Variants in AP3B1 observed in about 807,000 individuals in gnomAD.
The protein encoded by AP3B1 is AP-3 complex subunit beta-1.
A neutral mutation model predicts 132.5 loss-of-function variants in AP3B1; 61 were observed. The ratio of observed to expected loss-of-function variants is 0.46; its 90% confidence interval spans 0.37 to 0.57. The LOEUF is 0.57. Among genes scored for constraint, AP3B1 ranks in the 20% least tolerant of loss-of-function variants. The probability of loss-of-function intolerance (pLI) is 0.00; values close to 1 mark genes in which losing one functional copy is unlikely to be tolerated. For synonymous variants in AP3B1, 388 were observed against 438.3 expected (o/e 0.89, Z 1.43); for missense variants, 1,120 against 1,289.4 (o/e 0.87, Z 2.01).
chr5:78,067,832 C>T (rs895737807), intron 22 of AP3B1, among the ~76,000 whole-genome samples: 8 of 151,868 alleles, frequency 5.3e-5, no homozygotes, highest in African/African-American at 1.9e-4. Context: ...AATTGACATC[C>T]TAACATCATA....
chr5:78,005,297 T>A (rs746758954), intron 26 of AP3B1, among the ~76,000 whole-genome samples: 1 of 152,202 alleles, frequency 6.6e-6, no homozygotes, highest in Non-Finnish European at 1.5e-5. Flanking sequence ...TATGCCTGAA[T>A]AGGAACACAA....
At chr5:78,283,643 A>G (rs1183685392) in intron 1 of AP3B1, among the ~76,000 whole-genome samples, 3 of 152,120 alleles carry the variant, frequency 2.0e-5, no homozygotes. Flanking sequence ...TACCTTATCT[A>G]TCTATCTAAC....
At chr5:78,045,394 A>C (rs1051780534) in intron 22 of AP3B1, among the ~76,000 whole-genome samples, 1 of 151,604 alleles carries the variant, frequency 6.6e-6, no homozygotes, top group East Asian at 1.9e-4. Context: ...AAAAAAAAAA[A>C]AAAAAACACA....
At chr5:78,216,284 A>T (rs752884376) in intron 6 of AP3B1, 47 bp from the exon 7 acceptor site, 34 of 1,550,200 alleles carry the variant, frequency 2.2e-5, no homozygotes, top group Admixed American at 1.3e-4. Context: ...TTTCTCCCCT[A>T]CATCAAAGGT....
In AP3B1 at chr5:78,039,101, G is replaced by T; in HGVS notation, c.2751C>A (p.Ile917=). The change falls in exon 23 of 27, where the codon ATC becomes ATA. Residue 917 remains isoleucine, a synonymous_variant. Coordinates refer to ENST00000255194, the MANE Select transcript of AP3B1 (RefSeq NM_003664.5). The part of the protein sequence containing the change: ...NNTTDRKIEN[I]HIGEKKLPIG... ...TAGGAAGTTTTTTTTCCCCTATGTG[G>T]ATATTTTCTATCTTTCGATCAGTAG... 1 of 1,612,722 alleles carries T rather than the reference G, an allele frequency of 6.2e-7. No individual in the cohort carries two copies. The highest frequency in any genetic ancestry group is 1.1e-5 in the South Asian group (1 of 90,852).
chr5:78,271,670 A>T (rs1748550105), intron 1 of AP3B1, among the ~76,000 whole-genome samples: 1 of 152,204 alleles, frequency 6.6e-6, no homozygotes. Flanking sequence ...TGTACTTGTG[A>T]GGACTAAACT....
chr5:78,273,924 C>T (rs895405333), intron 1 of AP3B1, among the ~76,000 whole-genome samples: 2 of 150,940 alleles, frequency 1.3e-5, no homozygotes, highest in Non-Finnish European at 2.9e-5. Context: ...AAGCTATCAC[C>T]CAAAGCTTCA....
In AP3B1 at chr5:78,113,906, C is replaced by T. The variant is rs1751706695; in HGVS notation, c.2095G>A (p.Glu699Lys). 3 of 1,614,186 alleles carry T rather than the reference C, an allele frequency of 1.9e-6. No homozygotes were observed. Among genetic ancestry groups the T allele is most frequent in the Middle Eastern group, 1.6e-4 (1 of 6,062 alleles). Residue 699 changes from glutamate (E) to lysine (K), a missense_variant, in exon 19 of 27, where the codon GAA becomes AAA. Physicochemically the swap from Glu to Lys is moderately conservative, Grantham distance 56 (BLOSUM62 1). Around this residue, in one of 3 missense-constraint regions of AP3B1, gnomAD observed 906 missense variants for 997.1 expected, o/e 0.91. Transcript: ENST00000255194. ...CCACTTTCGCCTTGTTCTCCACTTT[C>T]ACTTCCAGATTCACTCTCTGAAAAA... is the stretch of plus-strand genomic sequence containing the variant. The part of the protein sequence containing the change: ...SSDSESESGS[E>K]SGEQGESGEE...
At chr5:78,137,161 T>G (rs1228758924) in intron 15 of AP3B1, among the ~76,000 whole-genome samples, 1 of 152,214 alleles carries the variant, frequency 6.6e-6, no homozygotes, top group Non-Finnish European at 1.5e-5. Context: ...CCATGTATTT[T>G]AGAGACTCTG....
intron 23 of AP3B1, 121 bp from the exon 24 acceptor site, chr5:78,034,566 TA>T: frequency 1.3e-6 from 1 of 755,544 alleles, no homozygotes; most frequent in Non-Finnish European, 2.3e-6. Context: ...AATGATGGCT[TA>T]AAAATTTCAA....
At chr5:78,135,737 T>C (rs1752884974) in intron 15 of AP3B1, among the ~76,000 whole-genome samples, 1 of 152,170 alleles carries the variant, frequency 6.6e-6, no homozygotes, top group Admixed American at 6.5e-5. Flanking sequence ...TGACATACTA[T>C]TAGAGTTTAA....
intron 7 of AP3B1, among the ~76,000 whole-genome samples, chr5:78,207,185 G>A (rs990435232): frequency 6.6e-6 from 1 of 151,508 alleles, no homozygotes; most frequent in Non-Finnish European, 1.5e-5. Context: ...TTGCATCCGG[G>A]AGGCGGAGAT....
At chr5:78,091,715 G>A (rs1233033880) in intron 21 of AP3B1, among the ~76,000 whole-genome samples, 2 of 152,140 alleles carry the variant, frequency 1.3e-5, no homozygotes, top group Admixed American at 1.3e-4. Flanking sequence ...AAACTAAGGG[G>A]ACTGGATTTA....
intron 2 of AP3B1, among the ~76,000 whole-genome samples, chr5:78,251,347 A>C (rs1024280822): frequency 7.2e-5 from 11 of 152,206 alleles, no homozygotes; most frequent in African/African-American, 2.4e-4. Context: ...AGAAAAAAAC[A>C]CCTTCATAAG....
At chr5:78,107,081 T>C (rs1208875526) in intron 20 of AP3B1, among the ~76,000 whole-genome samples, 1 of 152,144 alleles carries the variant, frequency 6.6e-6, no homozygotes, top group Admixed American at 6.5e-5. Context: ...TTCACATCAA[T>C]TAATATCTCA....
intron 23 of AP3B1, among the ~76,000 whole-genome samples, chr5:78,037,997 A>T (rs1332143327): frequency 6.6e-6 from 1 of 152,196 alleles, no homozygotes; most frequent in Admixed American, 6.5e-5. Context: ...CAAAATACTT[A>T]AAAAATGCAA....
chr5:78,197,743 A>C (rs750600962), intron 7 of AP3B1, among the ~76,000 whole-genome samples: 3 of 152,224 alleles, frequency 2.0e-5, no homozygotes, highest in Non-Finnish European at 4.4e-5. Flanking sequence ...ATGACAGTTA[A>C]AACTGCCTAC....
At chr5:78,226,771 G>C (rs1746415780) in intron 5 of AP3B1, among the ~76,000 whole-genome samples, 1 of 152,048 alleles carries the variant, frequency 6.6e-6, no homozygotes, top group South Asian at 2.1e-4. Flanking sequence ...AATTGTTGTA[G>C]ACAATTCTAT....
chr5:78,175,557 T>C, intron 11 of AP3B1, 69 bp downstream of exon 11: 1 of 1,261,764 alleles, frequency 7.9e-7, no homozygotes, highest in Non-Finnish European at 1.1e-6. Context: ...CCACAGGTGC[T>C]AAAAGCTATA....
Sources: allele counts gnomAD v4.1 joint callset (sites outside exome capture counted in the v4.1 genomes callset), GRCh38; gene constraint gnomAD v4.1.1; regional missense constraint gnomAD v4.1.1; transcripts MANE v1.5; gene names NCBI Gene and HGNC (gene_info 2026-07-23, HGNC 2026-07-21).